The following VSTM2B variants were observed in gnomAD, a reference collection of about 807,000 sequenced individuals.
VSTM2B encodes V-set and transmembrane domain containing 2B.
A neutral mutation model predicts 24.0 loss-of-function variants in VSTM2B; 24 were observed. The ratio of observed to expected loss-of-function variants is 1.00; its 90% CI spans 0.72 to 1.40. The LOEUF is 1.40. Ranked by LOEUF, VSTM2B falls within the 40% of genes most tolerant of loss-of-function variation. The probability of loss-of-function intolerance (pLI) is 0.00; values close to 1 mark genes in which losing one functional copy is unlikely to be tolerated. For missense variants in VSTM2B, 399 were observed against 416.4 expected, an observed-to-expected ratio of 0.96 and a Z score of 0.36; for synonymous variants, 226 against 194.4, an observed-to-expected ratio of 1.16 and a Z score of -1.35.
At chr19:29,553,176 C>CCATACACTT (rs139665427) in intron 4 of VSTM2B, among the ~76,000 whole-genome samples, 13,249 of 152,098 alleles carry the variant, frequency 0.087, 1,195 homozygotes, top group African/African-American at 0.23. Context: ...ACAGGGGTCA[C>CCATACACTT]CATACAGGAG....
chr19:29,561,293 C>T (rs1268075329), intron 4 of VSTM2B, among the ~76,000 whole-genome samples: 1 of 151,102 alleles, frequency 6.6e-6, no homozygotes, highest in Non-Finnish European at 1.5e-5. Flanking sequence ...ACCTGGGTGA[C>T]AGAGTGAGAC....
At chr19:29,548,837 C>T (rs573269114) in intron 4 of VSTM2B, among the ~76,000 whole-genome samples, 17 of 152,346 alleles carry the variant, frequency 1.1e-4, no homozygotes, top group Middle Eastern at 3.4e-3. Flanking sequence ...CTGGGTCCTG[C>T]GCCAGGCCTG....
chr19:29,559,987 G>A (rs1196277624), intron 4 of VSTM2B, among the ~76,000 whole-genome samples: 1 of 152,094 alleles, frequency 6.6e-6, no homozygotes, highest in African/African-American at 2.4e-5. Flanking sequence ...ATGATCGGCT[G>A]CTAATTCAAT....
chr19:29,545,819 AG>A (rs1181900937), intron 4 of VSTM2B, among the ~76,000 whole-genome samples: 1 of 152,190 alleles, frequency 6.6e-6, no homozygotes, highest in African/African-American at 2.4e-5. Context: ...TCTTTTTGGT[AG>A]AACCAACCTG....
At chr19:29,545,204 G>A (rs556586093) in intron 4 of VSTM2B, among the ~76,000 whole-genome samples, 37 of 152,256 alleles carry the variant, frequency 2.4e-4, no homozygotes, top group Admixed American at 1.8e-3. Context: ...GGCACTGGGA[G>A]GCAGGCAGGG....
intron 4 of VSTM2B, among the ~76,000 whole-genome samples, chr19:29,546,683 C>G (rs1970165348): frequency 6.6e-6 from 1 of 150,814 alleles, no homozygotes; most frequent in Admixed American, 6.6e-5. Context: ...CCCACCCCCA[C>G]CCCGGTGCTC....
At position 29,534,748 on chromosome 19, in the gene VSTM2B, AAAAG is replaced by A. The variant is rs1233345364; in HGVS notation, c.769+4464_769+4467del. On this transcript the variant is annotated intron_variant, in intron 4 of 4. Transcript: ENST00000335523. The stretch of plus-strand genomic sequence containing the variant: ...AAAAAAAGAAAGAAAGAAAGAAAAG[AAAAG>A]AAAGAGGCTCAGGACACTGGCCATT... 4.6e-5 allele frequency among the ~76,000 whole-genome samples: 7 copies of A among 152,058 alleles called. 1 individual carries two copies. The highest frequency in any genetic ancestry group is 1.4e-4 in the African/African-American group (6 of 41,522).
intron 4 of VSTM2B, among the ~76,000 whole-genome samples, chr19:29,550,776 G>A (rs747952164): frequency 2.6e-5 from 4 of 151,686 alleles, no homozygotes; most frequent in Non-Finnish European, 5.9e-5. Context: ...CCATTTTTGT[G>A]TGTAGAGCCA....
chr19:29,561,216 G>C (rs1285830704), intron 4 of VSTM2B, among the ~76,000 whole-genome samples: 1 of 152,132 alleles, frequency 6.6e-6, no homozygotes, highest in East Asian at 1.9e-4. Flanking sequence ...AGAGGCTGAG[G>C]CAGGAGAATC....
chr19:29,540,058 C>T (rs545855518), intron 4 of VSTM2B, among the ~76,000 whole-genome samples: 1 of 152,380 alleles, frequency 6.6e-6, no homozygotes, highest in African/African-American at 2.4e-5. Context: ...CAATGTCAGT[C>T]CCCTTAGAGT....
At chr19:29,556,255 T>G (rs1016979748) in intron 4 of VSTM2B, among the ~76,000 whole-genome samples, 2 of 151,440 alleles carry the variant, frequency 1.3e-5, no homozygotes, top group African/African-American at 4.8e-5. Flanking sequence ...GCACAAAACA[T>G]AATTCTAAAC....
intron 4 of VSTM2B, among the ~76,000 whole-genome samples, chr19:29,531,684 G>T (rs1969763054): frequency 6.6e-6 from 1 of 152,216 alleles, no homozygotes; most frequent in African/African-American, 2.4e-5. Context: ...TGTCCCTCAG[G>T]CTACTGGGGA....
Position 29,530,296 on chromosome 19 carries a change from G to A in VSTM2B, c.769+6G>A. 6.7e-7 allele frequency: 1 copy of A among 1,492,136 alleles called. No individual in the cohort carries two copies. Among genetic ancestry groups the A allele is most frequent in the Non-Finnish European group, 8.9e-7 (1 of 1,129,282 alleles). 92.4% of individuals were successfully genotyped at this position (1,492,136 alleles called of 1,614,324 possible). ...GCGCCAGAGGCACGGCTCGGGTAAG[G>A]GATCGCGGAGAGGGGGCGCACGCGC... On this transcript the variant is annotated splice_donor_region_variant and intron_variant, in intron 4 of 4. Transcript: ENST00000335523.
intron 4 of VSTM2B, among the ~76,000 whole-genome samples, chr19:29,562,802 G>A (rs908200125): frequency 7.2e-5 from 11 of 152,280 alleles, no homozygotes; most frequent in Admixed American, 3.3e-4. Context: ...CCTAAGGACC[G>A]ACGGGGAGCC....
rs1235925476 is a variant in VSTM2B, at chr19:29,563,976, C to A, written c.*42C>A. 2 of 1,512,786 alleles carry A rather than the reference C, an allele frequency of 1.3e-6. No individual in the cohort carries two copies. The highest frequency in any genetic ancestry group is 1.4e-5 in the African/African-American group (1 of 72,384). 93.7% of individuals were successfully genotyped at this position (1,512,786 alleles called of 1,614,324 possible). On this transcript the variant is annotated 3_prime_UTR_variant, in exon 5 of 5. Coordinates refer to ENST00000335523, the MANE Select transcript of VSTM2B (RefSeq NM_001146339.2). ...GAGCATCTCAGAGGCCGCACATGACCTGCCCGGGGCCCTCGGTGAGGACCA... is the reference window on the plus strand; with the variant it reads ...GAGCATCTCAGAGGCCGCACATGACATGCCCGGGGCCCTCGGTGAGGACCA...
rs1008178826 is a variant in VSTM2B, at chr19:29,547,282, C to A, written c.770-16564C>A. On this transcript the variant is annotated intron_variant, in intron 4 of 4. Coordinates refer to ENST00000335523, the MANE Select transcript of VSTM2B (RefSeq NM_001146339.2). ...AGTGTCCTGTTTTTTATCTGGCAAC[C>A]CCAGGCCTGGGGCAAATCACTTCAT... is the stretch of plus-strand genomic sequence containing the variant. Among the ~76,000 whole-genome samples, 3 of 152,058 alleles carry A rather than the reference C, an allele frequency of 2.0e-5. No homozygotes were observed. In the South Asian group the frequency reaches 6.2e-4, roughly 32 times the overall value.
At chr19:29,547,803 G>A (rs1401344654) in intron 4 of VSTM2B, among the ~76,000 whole-genome samples, 1 of 152,114 alleles carries the variant, frequency 6.6e-6, no homozygotes, top group African/African-American at 2.4e-5. Context: ...AAAAGTAGGG[G>A]GCTAGTCGTT....
At chr19:29,531,606 C>A (rs1008683634) in intron 4 of VSTM2B, among the ~76,000 whole-genome samples, 1 of 152,208 alleles carries the variant, frequency 6.6e-6, no homozygotes, top group Admixed American at 6.5e-5. Flanking sequence ...CGCCTCAGTG[C>A]GTCTCAGGCT....
At chr19:29,544,268 T>A (rs1970091760) in intron 4 of VSTM2B, among the ~76,000 whole-genome samples, 1 of 151,842 alleles carries the variant, frequency 6.6e-6, no homozygotes, top group Admixed American at 6.6e-5. Flanking sequence ...GGCTCACGCC[T>A]GTAATCCCAG....
Sources: allele counts gnomAD v4.1 joint callset (sites outside exome capture counted in the v4.1 genomes callset), GRCh38; gene constraint gnomAD v4.1.1; transcripts MANE v1.5; gene names NCBI Gene and HGNC (gene_info 2026-07-23, HGNC 2026-07-21).